The following RERE variants were observed in gnomAD, a reference collection of about 807,000 sequenced individuals.
RERE encodes arginine-glutamic acid dipeptide repeats, also known as arginine-glutamic acid dipeptide repeats protein.
In RERE, 40 loss-of-function variants were observed where a neutral mutation model predicts 146.1. The ratio of observed to expected loss-of-function variants is 0.27; its 90% CI spans 0.21 to 0.36. The LOEUF (loss-of-function observed/expected upper bound fraction) is 0.36. Among genes scored for constraint, RERE ranks in the 10% least tolerant of loss-of-function variants. The probability of loss-of-function intolerance (pLI) is 1.00; values close to 1 mark genes in which losing one functional copy is unlikely to be tolerated. For synonymous variants in RERE, 1,003 were observed against 866.0 expected, an observed-to-expected ratio of 1.16 and a Z score of -2.78; for missense variants, 1,933 against 2,138.7, an observed-to-expected ratio of 0.90 and a Z score of 1.90.
At chr1:8,794,731 T>C (rs2124580962) in intron 1 of RERE, among the ~76,000 whole-genome samples, 1 of 151,964 alleles carries the variant, frequency 6.6e-6, no homozygotes, top group South Asian at 2.1e-4. Flanking sequence ...ACCCCATCTT[T>C]ACAAAACAAA....
intron 1 of RERE, among the ~76,000 whole-genome samples, chr1:8,755,613 T>G (rs1433968760): frequency 6.6e-6 from 1 of 152,204 alleles, no homozygotes; most frequent in East Asian, 1.9e-4. Flanking sequence ...GTATGCCAAG[T>G]AGCACATGGA....
intron 1 of RERE, among the ~76,000 whole-genome samples, chr1:8,662,268 C>T (rs909709038): frequency 6.6e-6 from 1 of 152,194 alleles, no homozygotes; most frequent in Non-Finnish European, 1.5e-5. Context: ...ACCATCTTAC[C>T]TCTTCAAAAT....
chr1:8,456,005 A>C (rs1644448926), intron 11 of RERE, among the ~76,000 whole-genome samples: 1 of 152,180 alleles, frequency 6.6e-6, no homozygotes, highest in Admixed American at 6.5e-5. Flanking sequence ...CCAGCATTCT[A>C]GTTAGTCAGT....
chr1:8,713,804 A>C (rs969359617), intron 1 of RERE, among the ~76,000 whole-genome samples: 1 of 152,180 alleles, frequency 6.6e-6, no homozygotes, highest in Non-Finnish European at 1.5e-5. Flanking sequence ...AACAGTCTTA[A>C]CATACCTAAC....
At chr1:8,591,205 G>T (rs1009149514) in intron 4 of RERE, among the ~76,000 whole-genome samples, 1 of 152,108 alleles carries the variant, frequency 6.6e-6, no homozygotes, top group African/African-American at 2.4e-5. Context: ...CAAACCACCT[G>T]AGCTGCCAGA....
At chr1:8,762,985 T>C (rs1306702277) in intron 1 of RERE, among the ~76,000 whole-genome samples, 1 of 151,854 alleles carries the variant, frequency 6.6e-6, no homozygotes, top group Non-Finnish European at 1.5e-5. Flanking sequence ...TCAGCAAAAA[T>C]CTAGGCATGG....
At chr1:8,747,080 C>G (rs1162467024) in intron 1 of RERE, among the ~76,000 whole-genome samples, 1 of 152,012 alleles carries the variant, frequency 6.6e-6, no homozygotes, top group Non-Finnish European at 1.5e-5. Context: ...TGGCTCACTG[C>G]AAGCTCCGCC....
At chr1:8,411,348 C>CT (rs1643610476) in intron 12 of RERE, among the ~76,000 whole-genome samples, 1 of 145,186 alleles carries the variant, frequency 6.9e-6, no homozygotes, top group Non-Finnish European at 1.5e-5. Context: ...GAGATGGGGT[C>CT]TTGCTAGCTT....
At chr1:8,687,582 A>T (rs898962021) in intron 1 of RERE, among the ~76,000 whole-genome samples, 1 of 152,214 alleles carries the variant, frequency 6.6e-6, no homozygotes, top group African/African-American at 2.4e-5. Flanking sequence ...ATTCTCTAAC[A>T]AACTGCTGAA....
At chr1:8,809,085 C>T (rs1323052250) in intron 1 of RERE, among the ~76,000 whole-genome samples, 1 of 143,370 alleles carries the variant, frequency 7.0e-6, no homozygotes, top group East Asian at 2.1e-4. Flanking sequence ...TTGCAGTGAA[C>T]TGAGATCACA....
intron 12 of RERE, among the ~76,000 whole-genome samples, chr1:8,379,205 GA>G (rs1557599180): frequency 1.3e-5 from 2 of 152,090 alleles, no homozygotes; most frequent in African/African-American, 4.8e-5. Context: ...CACAAAGGAA[GA>G]ACCCTCCAGA....
At chr1:8,525,839 T>C in intron 7 of RERE, 2 of 1,535,114 alleles carry the variant, frequency 1.3e-6, no homozygotes, top group Admixed American at 2.2e-5. Context: ...TACTTTCTGC[T>C]AAAACTCTGC....
intron 12 of RERE, among the ~76,000 whole-genome samples, chr1:8,382,217 C>G (rs1168670231): frequency 6.6e-6 from 1 of 152,258 alleles, no homozygotes; most frequent in Non-Finnish European, 1.5e-5. Flanking sequence ...CTTAACAAAA[C>G]AGAACAAGGA....
At chr1:8,501,615 T>C (rs1191152228) in intron 8 of RERE, among the ~76,000 whole-genome samples, 1 of 99,458 alleles carries the variant, frequency 1.0e-5, no homozygotes, top group Non-Finnish European at 2.1e-5. Flanking sequence ...GGGAGGGAGG[T>C]GGGGGGTCAG....
intron 4 of RERE, among the ~76,000 whole-genome samples, chr1:8,567,356 A>G (rs1646165552): frequency 6.6e-6 from 1 of 152,242 alleles, no homozygotes; most frequent in African/African-American, 2.4e-5. Flanking sequence ...GCAGATGACT[A>G]TTCACAGTGT....
At chr1:8,549,002 T>C (rs1352083829) in intron 6 of RERE, among the ~76,000 whole-genome samples, 1 of 151,930 alleles carries the variant, frequency 6.6e-6, no homozygotes, top group Non-Finnish European at 1.5e-5. Flanking sequence ...TAAAATAAAA[T>C]CTTCTAGTGT....
At chr1:8,665,733 C>T (rs967770357) in intron 1 of RERE, among the ~76,000 whole-genome samples, 2 of 152,186 alleles carry the variant, frequency 1.3e-5, no homozygotes, top group African/African-American at 4.8e-5. Flanking sequence ...GCAGCCAACA[C>T]TCACTGGGCA....
intron 11 of RERE, among the ~76,000 whole-genome samples, chr1:8,461,804 G>C (rs1644530377): frequency 6.6e-6 from 1 of 152,146 alleles, no homozygotes; most frequent in Non-Finnish European, 1.5e-5. Context: ...AGAACAAGAA[G>C]AAAGAGTTTA....
rs1247043340 is a variant in RERE, at chr1:8,355,618, C to T, written c.4487-19G>A. On this transcript the variant is annotated intron_variant, in intron 21 of 22. Transcript: ENST00000400908. The stretch of plus-strand genomic sequence containing the variant: ...GGGGTGCCTGCCGAACACAAAACAA[C>T]CTGCGCTACAGAAATAGCCAGAGGA... 1 of 1,556,010 alleles carries T rather than the reference C, an allele frequency of 6.4e-7. No individual in the cohort carries two copies. Among genetic ancestry groups the T allele is most frequent in the East Asian group, 2.3e-5 (1 of 44,154 alleles).
Sources: allele counts gnomAD v4.1 joint callset (sites outside exome capture counted in the v4.1 genomes callset), GRCh38; gene constraint gnomAD v4.1.1; transcripts MANE v1.5; gene names NCBI Gene and HGNC (gene_info 2026-07-23, HGNC 2026-07-21).